Variants in GRID1 observed in about 807,000 individuals in gnomAD.
GRID1 encodes the protein glutamate receptor ionotropic, delta-1.
Under a neutral mutation model 98.0 loss-of-function variants are expected in GRID1, and 28 were observed. The observed-to-expected ratio is 0.29, with a 90% CI of 0.21 to 0.39. The LOEUF (loss-of-function observed/expected upper bound fraction) is 0.39. Among genes scored for constraint, GRID1 ranks in the 10% least tolerant of loss-of-function variants. GRID1 has a pLI of 1.00. For synonymous variants in GRID1, 553 were observed against 538.5 expected, an observed-to-expected ratio of 1.03 and a Z score of -0.37; for missense variants, 1,111 against 1,340.5, an observed-to-expected ratio of 0.83 and a Z score of 2.67.
intron 5 of GRID1, among the ~76,000 whole-genome samples, chr10:85,879,671 A>G (rs1200519762): frequency 6.6e-6 from 1 of 152,216 alleles, no homozygotes; most frequent in Non-Finnish European, 1.5e-5. Context: ...AGAAAGCAGG[A>G]AAGATCCAAA....
At chr10:86,356,560 C>G (rs919081387) in intron 2 of GRID1, among the ~76,000 whole-genome samples, 9 of 152,214 alleles carry the variant, frequency 5.9e-5, no homozygotes, top group Non-Finnish European at 8.8e-5. Flanking sequence ...TCTGGCACAG[C>G]AACTGGCAAC....
At chr10:85,737,654 AT>A (rs1841897435) in intron 8 of GRID1, among the ~76,000 whole-genome samples, 1 of 129,462 alleles carries the variant, frequency 7.7e-6, no homozygotes, top group Non-Finnish European at 1.6e-5. Context: ...AGATATATAT[AT>A]ATATATATAT....
intron 4 of GRID1, among the ~76,000 whole-genome samples, chr10:86,010,566 C>T (rs1377049392): frequency 6.6e-6 from 1 of 152,038 alleles, no homozygotes; most frequent in Non-Finnish European, 1.5e-5. Flanking sequence ...TTCCTATAAT[C>T]CTAGCACTTT....
At chr10:85,784,276 C>G (rs1842406234) in intron 8 of GRID1, among the ~76,000 whole-genome samples, 1 of 152,206 alleles carries the variant, frequency 6.6e-6, no homozygotes, top group Admixed American at 6.5e-5. Context: ...TTGCTCATCT[C>G]TGAGGCTCTG....
chr10:86,207,214 G>A (rs1306785879), intron 2 of GRID1, among the ~76,000 whole-genome samples: 1 of 152,174 alleles, frequency 6.6e-6, no homozygotes, highest in African/African-American at 2.4e-5. Flanking sequence ...AAATAAAAAA[G>A]AAAAGAAACC....
At chr10:85,919,993 C>G (rs1273636983) in intron 4 of GRID1, among the ~76,000 whole-genome samples, 1 of 152,152 alleles carries the variant, frequency 6.6e-6, no homozygotes, top group African/African-American at 2.4e-5. Flanking sequence ...ACTCACGGTG[C>G]CTTGGAATGC....
chr10:86,141,295 G>A (rs1393349156), intron 3 of GRID1, among the ~76,000 whole-genome samples: 2 of 152,174 alleles, frequency 1.3e-5, no homozygotes, highest in African/African-American at 4.8e-5. Context: ...TCTGTTCAGG[G>A]CCATGGGGAT....
At chr10:86,217,927 G>A (rs187436969) in intron 2 of GRID1, among the ~76,000 whole-genome samples, 232 of 152,148 alleles carry the variant, frequency 1.5e-3, no homozygotes, top group Non-Finnish European at 2.3e-3. Context: ...CCGGGCCACC[G>A]GGCCTGATCC....
rs140265317 is a variant in GRID1, at chr10:86,291,720, G to A, written c.235+72221C>T. The stretch of plus-strand genomic sequence containing the variant: ...GTTCCCCCACCAAACGGAGAGCTCC[G>A]TGGGAATGAGTACCACATCAGCTCA... On this transcript the variant is annotated intron_variant, in intron 2 of 15. Coordinates refer to ENST00000327946, the MANE Select transcript of GRID1 (RefSeq NM_017551.3). 9.2e-5 allele frequency among the ~76,000 whole-genome samples: 14 copies of A among 152,280 alleles called. No individual in the cohort carries two copies. In the East Asian group the frequency reaches 1.4e-3, roughly 15 times the overall value.
intron 4 of GRID1, among the ~76,000 whole-genome samples, chr10:86,018,895 C>T (rs1045576810): frequency 8.5e-5 from 13 of 152,198 alleles, no homozygotes; most frequent in Admixed American, 7.9e-4. Flanking sequence ...TTTTTCTGCA[C>T]TTGGGTAACT....
intron 2 of GRID1, among the ~76,000 whole-genome samples, chr10:86,358,231 G>GAACAAAAGAGGATGCCCCGCA (rs1848558505): frequency 6.6e-6 from 1 of 152,142 alleles, no homozygotes; most frequent in East Asian, 1.9e-4. Context: ...CAGGCCCAGC[G>GAACAAAAGAGGATGCCCCGCA]AACAAAAGAG....
At chr10:86,352,408 C>A (rs1487494243) in intron 2 of GRID1, among the ~76,000 whole-genome samples, 1 of 152,208 alleles carries the variant, frequency 6.6e-6, no homozygotes, top group Non-Finnish European at 1.5e-5. Flanking sequence ...GATTAAACAA[C>A]AGACGAATTT....
intron 4 of GRID1, among the ~76,000 whole-genome samples, chr10:85,954,344 A>C (rs189401792): frequency 2.8e-4 from 43 of 152,342 alleles, no homozygotes; most frequent in Admixed American, 2.3e-3. Flanking sequence ...CAAGCATGCC[A>C]AGTTACTCTA....
intron 12 of GRID1, among the ~76,000 whole-genome samples, chr10:85,703,541 A>G (rs1485893410): frequency 1.3e-5 from 2 of 152,096 alleles, no homozygotes; most frequent in African/African-American, 4.8e-5. Flanking sequence ...GGAGAGGAGG[A>G]AAAAAGGTAT....
intron 8 of GRID1, among the ~76,000 whole-genome samples, chr10:85,825,383 GT>G (rs147988234): frequency 0.26 from 38,757 of 146,394 alleles, 5,110 homozygotes; most frequent in South Asian, 0.3. Flanking sequence ...TGATGGGATT[GT>G]TTTTTTTTTT....
At chr10:86,186,318 T>A (rs1171883357) in intron 3 of GRID1, among the ~76,000 whole-genome samples, 8 of 152,248 alleles carry the variant, frequency 5.3e-5, no homozygotes, top group Admixed American at 5.2e-4. Context: ...GTTTTCCCAG[T>A]CAGTCTGTTC....
intron 2 of GRID1, among the ~76,000 whole-genome samples, chr10:86,320,652 A>G (rs1312710513): frequency 1.3e-5 from 2 of 152,186 alleles, no homozygotes; most frequent in Non-Finnish European, 2.9e-5. Flanking sequence ...ATTGAACTGT[A>G]CACTTAAAAA....
At chr10:85,957,888 T>C (rs993088670) in intron 4 of GRID1, among the ~76,000 whole-genome samples, 1 of 152,232 alleles carries the variant, frequency 6.6e-6, no homozygotes, top group African/African-American at 2.4e-5. Flanking sequence ...AGGCAGCCTC[T>C]GCAAACCTGG....
At position 85,647,278 on chromosome 10, in the gene GRID1, G is replaced by C; in HGVS notation, c.2117C>G (p.Ala706Gly). 6.2e-7 allele frequency: 1 copy of C among 1,614,242 alleles called. No individual in the cohort carries two copies. The highest frequency in any genetic ancestry group is 8.5e-7 in the Non-Finnish European group (1 of 1,180,038). Residue 706 changes from alanine (A) to glycine (G), a missense_variant, in exon 13 of 16, where the codon GCT (alanine) becomes GGT (glycine). Around this residue, in one of 3 missense-constraint regions of GRID1, gnomAD observed 762 missense variants for 869.1 expected, o/e 0.88. Coordinates refer to ENST00000327946, the MANE Select transcript of GRID1 (RefSeq NM_017551.3). ...CTTGCTGATGGTCCGCCAGAGTTCA[G>C]CAAACGTGCTGTCCTGCTCCAGGGG... Reference protein sequence around the residue: ...TNPLEQDSTFAELWRTISKNG... With the variant: ...TNPLEQDSTFGELWRTISKNG...
Sources: gnomAD v4.1 joint callset for allele counts (sites outside exome capture counted in the v4.1 genomes callset) on GRCh38, gnomAD v4.1.1 for gene constraint, gnomAD v4.1.1 regional missense constraint, MANE v1.5 for transcripts, NCBI Gene and HGNC (gene_info 2026-07-23, HGNC 2026-07-21) for gene names.